The following LNPEP variants were observed in gnomAD, a reference collection of about 807,000 sequenced individuals.
The protein encoded by LNPEP is leucyl and cystinyl aminopeptidase, also known as leucyl-cystinyl aminopeptidase.
LNPEP carries 64 observed loss-of-function variants against 120.6 expected under a neutral mutation model. The ratio of observed to expected loss-of-function variants is 0.53; its 90% confidence interval spans 0.43 to 0.65. LNPEP has a LOEUF of 0.65. LNPEP is among the 30% of genes least tolerant of loss of function. LNPEP has a pLI of 0.00. For missense variants in LNPEP, 1,057 were observed against 1,200.0 expected, an observed-to-expected ratio of 0.88 and a Z score of 1.76; for synonymous variants, 435 against 425.4, an observed-to-expected ratio of 1.02 and a Z score of -0.28.
At chr5:96,973,999 T>G (rs1019452009) in intron 1 of LNPEP, among the ~76,000 whole-genome samples, 19 of 152,324 alleles carry the variant, frequency 1.2e-4, no homozygotes, top group African/African-American at 4.6e-4. Context: ...CTCTGTCTCC[T>G]ACCTCTGCTT....
At chr5:96,988,505 A>C (rs992228722) in intron 4 of LNPEP, among the ~76,000 whole-genome samples, 1 of 150,860 alleles carries the variant, frequency 6.6e-6, no homozygotes, top group Non-Finnish European at 1.5e-5. Context: ...CGCCCGGCTA[A>C]TTTTTTGTAT....
chr5:96,953,794 A>G (rs1272313863), intron 1 of LNPEP, among the ~76,000 whole-genome samples: 1 of 152,212 alleles, frequency 6.6e-6, no homozygotes, highest in Non-Finnish European at 1.5e-5. Flanking sequence ...TAGTTTATGT[A>G]TACTAATTCA....
intron 4 of LNPEP, among the ~76,000 whole-genome samples, chr5:96,987,002 C>T (rs1790258596): frequency 1.3e-5 from 2 of 152,114 alleles, no homozygotes; most frequent in Non-Finnish European, 1.5e-5. Flanking sequence ...AAATTAAATA[C>T]AATTTAAAAT....
At chr5:96,938,254 G>T (rs1245791732) in intron 1 of LNPEP, among the ~76,000 whole-genome samples, 1 of 152,176 alleles carries the variant, frequency 6.6e-6, no homozygotes, top group Non-Finnish European at 1.5e-5. Flanking sequence ...ATTGGTCTGG[G>T]TGTGATGATG....
chr5:96,946,469 C>A (rs942079535), intron 1 of LNPEP, among the ~76,000 whole-genome samples: 2 of 152,134 alleles, frequency 1.3e-5, no homozygotes, highest in African/African-American at 4.8e-5. Context: ...TTGTTCCAGT[C>A]CAGTTGTTCA....
chr5:96,961,668 A>G (rs1033382090), intron 1 of LNPEP, among the ~76,000 whole-genome samples: 1 of 152,126 alleles, frequency 6.6e-6, no homozygotes, highest in Non-Finnish European at 1.5e-5. Context: ...AAATCCACCA[A>G]TATTCAATCC....
At chr5:97,008,348 T>G (rs1318553274) in intron 11 of LNPEP, among the ~76,000 whole-genome samples, 1 of 104,040 alleles carries the variant, frequency 9.6e-6, no homozygotes, top group South Asian at 3.3e-4. Flanking sequence ...TTTTTTTTTT[T>G]TTTTTTTTTT....
At chr5:97,008,664 T>TTTC (rs1222978487) in intron 11 of LNPEP, among the ~76,000 whole-genome samples, 1 of 117,828 alleles carries the variant, frequency 8.5e-6, no homozygotes, top group Non-Finnish European at 1.7e-5. Context: ...TCTTTACTCT[T>TTTC]TTTTTTTTTT....
intron 8 of LNPEP, 112 bp downstream of exon 8, chr5:96,998,257 A>G (rs1217615356): frequency 1.2e-6 from 1 of 848,844 alleles, no homozygotes; most frequent in African/African-American, 1.8e-5. Context: ...TTTTTCAGGT[A>G]TTAATGGTAA....
At chr5:96,937,402 A>G (rs1471085918) in intron 1 of LNPEP, 1 of 152,216 alleles carries the variant, frequency 6.6e-6, no homozygotes, top group Admixed American at 6.5e-5. Context: ...ACTGATAACA[A>G]CTTTAATTCT....
chr5:97,006,303 TAATC>T, intron 10 of LNPEP, 70 bp downstream of exon 10: 1 of 1,405,080 alleles, frequency 7.1e-7, no homozygotes, highest in Non-Finnish European at 9.9e-7. Context: ...AAGTGTTTTA[TAATC>T]ATAAGTTCTT....
At position 97,036,627 on chromosome 5, in the gene LNPEP, A is replaced by G. The variant is rs1791577035; in HGVS notation, c.*8094A>G. On this transcript the variant is annotated 3_prime_UTR_variant, in exon 18 of 18. Coordinates refer to ENST00000231368, the MANE Select transcript of LNPEP (RefSeq NM_005575.3). ...TCTCCTCCCTTCCTTCAGGCCTCTT[A>G]GCATTGTTTGTTTTCCCATTTCTGA... 1 of 151,918 alleles carries G rather than the reference A, an allele frequency of 6.6e-6. No homozygotes were observed. Among genetic ancestry groups the G allele is most frequent in the African/African-American group, 2.4e-5 (1 of 41,372 alleles). 9.4% of individuals were successfully genotyped at this position (151,918 alleles called of 1,614,324 possible).
At chr5:96,939,216 C>CTTT (rs34230118) in intron 1 of LNPEP, among the ~76,000 whole-genome samples, 12 of 139,362 alleles carry the variant, frequency 8.6e-5, no homozygotes, top group South Asian at 2.3e-4. Flanking sequence ...TGTATACTTT[C>CTTT]TTTTTTTTTT....
Position 96,979,320 on chromosome 5 carries a change from GAGGATTATGA to G in LNPEP, c.203_212del (p.Glu68GlyfsTer12). 1 of 1,614,060 alleles carries G rather than the reference GAGGATTATGA, an allele frequency of 6.2e-7. No homozygotes were observed. The highest frequency in any genetic ancestry group is 8.5e-7 in the Non-Finnish European group (1 of 1,179,942). On this transcript the variant is annotated frameshift_variant, in exon 2 of 18. Transcript: ENST00000231368. LOFTEE classifies it high-confidence loss of function. ...TGAGCATGAGATGGAGGAGGATGAA[GAGGATTATGA>G]GTCATCAGCAAAGCTGCTGGGCATG...
At chr5:97,028,278 C>G in intron 17 of LNPEP, 124 bp from the exon 18 acceptor site, 1 of 838,334 alleles carries the variant, frequency 1.2e-6, no homozygotes, top group South Asian at 1.4e-5. Flanking sequence ...TAAAGTACTT[C>G]TTTCTACTGC....
At chr5:96,943,089 G>T in intron 1 of LNPEP, 1 of 314,804 alleles carries the variant, frequency 3.2e-6, no homozygotes, top group South Asian at 6.0e-5. Flanking sequence ...ATCCATAAGT[G>T]ACTCATTGAC....
intron 1 of LNPEP, chr5:96,936,641 G>C (rs930992376): frequency 6.5e-6 from 1 of 152,998 alleles, no homozygotes; most frequent in Non-Finnish European, 1.5e-5. Context: ...AGGGCGGGGT[G>C]GGGGTGGGAG....
rs780319612 is a variant in LNPEP, at chr5:97,013,742, A to G, written c.2130A>G (p.Glu710=). The change falls in exon 12 of 18, where the codon GAA becomes GAG. Residue 710 remains glutamate, a synonymous_variant. Transcript: ENST00000231368. ...YIVHYADDDW[E]ALIHQLKINP... ...TACACTATGCAGATGATGATTGGGA[A>G]GCACTAATCCATCAGTTGAAAATAA... 7 of 1,610,976 alleles carry G rather than the reference A, an allele frequency of 4.3e-6. No homozygotes were observed. In the African/African-American group the frequency reaches 8.0e-5, roughly 18 times the overall value.
chr5:97,020,920 C>A (rs1470409481), intron 13 of LNPEP, among the ~76,000 whole-genome samples: 1 of 152,222 alleles, frequency 6.6e-6, no homozygotes, highest in Admixed American at 6.5e-5. Context: ...TGCCCTCACC[C>A]CCCACCCGCC....
Sources: allele counts gnomAD v4.1 joint callset (sites outside exome capture counted in the v4.1 genomes callset), GRCh38; gene constraint gnomAD v4.1.1; transcripts MANE v1.5; gene names NCBI Gene and HGNC (gene_info 2026-07-23, HGNC 2026-07-21).